The following BICRAL variants were observed in gnomAD, a reference collection of about 807,000 sequenced individuals.
The protein encoded by BICRAL is BRD4-interacting chromatin-remodeling complex-associated protein-like.
Under a neutral mutation model 91.8 loss-of-function variants are expected in BICRAL, and 8 were observed. The ratio of observed to expected loss-of-function variants is 0.09; its 90% CI spans 0.05 to 0.16. The LOEUF (loss-of-function observed/expected upper bound fraction) is 0.16. Among genes scored for constraint, BICRAL ranks in the 10% least tolerant of loss-of-function variants. BICRAL has a pLI of 1.00. For missense variants in BICRAL, 1,038 were observed against 1,310.9 expected, an observed-to-expected ratio of 0.79 and a Z score of 3.21; for synonymous variants, 445 against 491.1, an observed-to-expected ratio of 0.91 and a Z score of 1.24.
chr6:42,844,702 GGA>G, intron 6 of BICRAL, among the ~76,000 whole-genome samples: 1 of 152,132 alleles, frequency 6.6e-6, no homozygotes, highest in East Asian at 1.9e-4. Context: ...AACAGACTGA[GGA>G]GAGAGCAGGA....
At chr6:42,786,202 T>C (rs1247770487) in intron 1 of BICRAL, among the ~76,000 whole-genome samples, 1 of 152,220 alleles carries the variant, frequency 6.6e-6, no homozygotes, top group Non-Finnish European at 1.5e-5. Flanking sequence ...TCGTTGTGTT[T>C]AGTAATTGCT....
rs58785533 is a variant in BICRAL at position 42,868,070 on chromosome 6, C to CTTTTTTTT, written c.*2634_*2641dup. ...TGTACTCAGTAACAAAAATCATTTT[C>CTTTTTTTT]TTTTTTTTTTTTTTTTTCTGTTGTG... On this transcript the variant is annotated 3_prime_UTR_variant, in exon 13 of 13. Coordinates refer to ENST00000314073, the MANE Select transcript of BICRAL (RefSeq NM_001393499.1). The CTTTTTTTT allele has an allele frequency of 8.1e-6, 1 of 124,066 alleles. No individual in the cohort carries two copies. The allele number at this position is 124,066 out of a possible 1,614,324, so 7.7% of individuals were successfully genotyped here.
In BICRAL at chr6:42,830,011, G is replaced by A. The variant is rs1562483483; in HGVS notation, c.1678G>A (p.Gly560Ser). The change falls in exon 6 of 13, where the codon GGT becomes AGT. Residue 560 changes from glycine to serine, a missense_variant. Physicochemically the swap from Gly to Ser is moderately conservative, Grantham distance 56. Around this residue, in one of 5 missense-constraint regions of BICRAL, gnomAD observed 532 missense variants for 724.9 expected, o/e 0.73. Coordinates refer to ENST00000314073, the MANE Select transcript of BICRAL (RefSeq NM_001393499.1). ...HPSLGSAVQS[G>S]SSGSNFTGDQ... ...TAGTCTTGGGTCTGCAGTTCAGTCT[G>A]GTTCATCAGGATCAAACTTTACAGG... is the stretch of plus-strand genomic sequence containing the variant. 1 of 1,614,138 alleles carries A rather than the reference G, an allele frequency of 6.2e-7. No homozygotes were observed.
Position 42,785,536 on chromosome 6 carries a change from G to T in BICRAL, c.-102+3435G>T, listed in dbSNP as rs1016920277. Among the ~76,000 whole-genome samples, 3 of 144,090 alleles carry T rather than the reference G, an allele frequency of 2.1e-5. No homozygotes were observed. The East Asian group carries it at 5.9e-4, about 28-fold the overall frequency. The allele number at this position is 144,090 out of a possible 152,430, so 94.5% of individuals were successfully genotyped here. A position where few individuals can be genotyped will look rare whatever the true frequency, so the allele number is the denominator to read the frequency against. ...AGACCCCACCATTGCACTCCAGTCC[G>T]GGAAACAAGAACGAAACTCCCATCT... On this transcript the variant is annotated intron_variant, in intron 1 of 12. Coordinates refer to ENST00000314073, the MANE Select transcript of BICRAL (RefSeq NM_001393499.1).
At position 42,860,376 on chromosome 6, in the gene BICRAL, T is replaced by C; in HGVS notation, c.2349+20T>C. On this transcript the variant is annotated intron_variant, in intron 11 of 12. Coordinates refer to ENST00000314073, the MANE Select transcript of BICRAL (RefSeq NM_001393499.1). ...GCCATGGTAAAAGTCATGCTACTGA[T>C]ATTTGTTCTTTAAAACTTTACAGGT... The C allele has an allele frequency of 7.0e-7, 1 of 1,434,254 alleles. No homozygotes were observed. Among genetic ancestry groups the C allele is most frequent in the Non-Finnish European group, 9.8e-7 (1 of 1,019,738 alleles). 88.8% of individuals were successfully genotyped at this position (1,434,254 alleles called of 1,614,324 possible).
Position 42,783,223 on chromosome 6 carries a change from C to T in BICRAL, c.-102+1122C>T, listed in dbSNP as rs1471399260. 7.2e-5 allele frequency among the ~76,000 whole-genome samples: 11 copies of T among 151,856 alleles called. No homozygotes were observed. In the East Asian group the frequency reaches 1.4e-3, roughly 19 times the overall value. On this transcript the variant is annotated intron_variant, in intron 1 of 12. Transcript: ENST00000314073. ...GCCGCCTCGCTGCCTTTTCGAAGCA[C>T]CGCCGAGGATCCGCGGCCGCGTCCG...
chr6:42,784,620 C>T lies in BICRAL; in HGVS notation c.-102+2519C>T, dbSNP rs118184915. On this transcript the variant is annotated intron_variant, in intron 1 of 12. Coordinates refer to ENST00000314073, the MANE Select transcript of BICRAL (RefSeq NM_001393499.1). ...ATCTGTCTACCGGGGAATGAACTAA[C>T]GTTCATAGAAGTATAGTAATTGTTC... 1.7e-4 allele frequency among the ~76,000 whole-genome samples: 26 copies of T among 152,284 alleles called. No individual in the cohort carries two copies. The East Asian group carries it at 3.9e-3, about 23-fold the overall frequency.
intron 1 of BICRAL, among the ~76,000 whole-genome samples, chr6:42,809,531 G>A (rs1048355684): frequency 2.7e-5 from 4 of 149,540 alleles, no homozygotes; most frequent in African/African-American, 9.9e-5. Context: ...CTGCCTCCCA[G>A]GTTCAAGCGA....
intron 2 of BICRAL, among the ~76,000 whole-genome samples, chr6:42,821,633 A>G (rs575332616): frequency 1.1e-3 from 171 of 152,262 alleles, no homozygotes; most frequent in Non-Finnish European, 1.9e-3. Flanking sequence ...AAAGACCTCT[A>G]TGTCTATGAG....
chr6:42,852,805 CA>C (rs1765231051), intron 7 of BICRAL, among the ~76,000 whole-genome samples: 1 of 148,496 alleles, frequency 6.7e-6, no homozygotes, highest in Non-Finnish European at 1.5e-5. Flanking sequence ...TTCTTAGAAA[CA>C]ATAAATTGAG....
At chr6:42,764,076 T>C (rs1379829916) in intron 1 of BICRAL, among the ~76,000 whole-genome samples, 1 of 150,318 alleles carries the variant, frequency 6.7e-6, no homozygotes, top group Non-Finnish European at 1.5e-5. Context: ...ACCCTGTCTC[T>C]ACTAAAAATA....
chr6:42,803,994 A>G (rs1763641000), intron 1 of BICRAL, among the ~76,000 whole-genome samples: 1 of 152,060 alleles, frequency 6.6e-6, no homozygotes, highest in Non-Finnish European at 1.5e-5. Context: ...CTAACAATAT[A>G]GTTTTTTGTT....
intron 1 of BICRAL, among the ~76,000 whole-genome samples, chr6:42,756,654 G>A (rs1012166524): frequency 8.7e-5 from 13 of 150,180 alleles, no homozygotes; most frequent in African/African-American, 2.0e-4. Context: ...TTTTCTATAC[G>A]TAAGTCTGAG....
rs368660913 is a variant in BICRAL at position 42,858,468 on chromosome 6, A to G, written c.2254+1232A>G. On this transcript the variant is annotated intron_variant, in intron 10 of 12. Transcript: ENST00000314073. The stretch of plus-strand genomic sequence containing the variant: ...AAGGCAGAGGTTGCAGTGAGCGGAC[A>G]TCGCACCACTGCACTCCAGCCTGGA... 8.1e-5 allele frequency among the ~76,000 whole-genome samples: 12 copies of G among 148,804 alleles called. No individual in the cohort carries two copies. The East Asian group carries it at 1.0e-3, about 13-fold the overall frequency.
At chr6:42,764,625 T>G (rs1159806569) in intron 1 of BICRAL, among the ~76,000 whole-genome samples, 4 of 152,052 alleles carry the variant, frequency 2.6e-5, no homozygotes, top group African/African-American at 4.8e-5. Context: ...ACTTGAGAGA[T>G]AGGTTGTATT....
chr6:42,808,313 T>C (rs887639005), intron 1 of BICRAL, among the ~76,000 whole-genome samples: 4 of 152,040 alleles, frequency 2.6e-5, no homozygotes, highest in African/African-American at 9.7e-5. Context: ...GTATTTTTAG[T>C]AGAGATGGGG....
chr6:42,781,651 C>T (rs1278722651), upstream of BICRAL, among the ~76,000 whole-genome samples: 2 of 149,386 alleles, frequency 1.3e-5, no homozygotes, highest in Non-Finnish European at 3.0e-5. Flanking sequence ...AGAATTAGCA[C>T]GCACCTCGTG....
At chr6:42,747,162 C>T (rs1287681975) in intron 1 of BICRAL, 1 of 152,162 alleles carries the variant, frequency 6.6e-6, no homozygotes, top group Non-Finnish European at 1.5e-5. Context: ...AAAGTCGGGA[C>T]CAACCCGAGG....
At chr6:42,843,485 C>CTA (rs1437623451) in intron 6 of BICRAL, among the ~76,000 whole-genome samples, 1 of 152,086 alleles carries the variant, frequency 6.6e-6, no homozygotes, top group African/African-American at 2.4e-5. Flanking sequence ...TGAAGTAGAC[C>CTA]TACACTAGCA....
Sources: allele counts gnomAD v4.1 joint callset (sites outside exome capture counted in the v4.1 genomes callset), GRCh38; gene constraint gnomAD v4.1.1; regional missense constraint gnomAD v4.1.1; transcripts MANE v1.5; gene names NCBI Gene and HGNC (gene_info 2026-07-23, HGNC 2026-07-21).